PACRG: variants seen among roughly 807,000 people sequenced by gnomAD.
PACRG encodes parkin coregulated gene protein.
Under a neutral mutation model 29.7 loss-of-function variants are expected in PACRG, and 29 were observed. The observed-to-expected ratio is 0.98, with a 90% CI of 0.73 to 1.33. PACRG has a LOEUF of 1.33. Ranked by LOEUF, PACRG falls within the 40% of genes most tolerant of loss-of-function variation. The pLI is 0.00. For synonymous variants in PACRG, 116 were observed against 118.7 expected (o/e 0.98, Z 0.15); for missense variants, 279 against 316.2 (o/e 0.88, Z 0.89).
At chr6:163,093,487 T>C (rs773691263) in intron 4 of PACRG, among the ~76,000 whole-genome samples, 16 of 152,182 alleles carry the variant, frequency 1.1e-4, no homozygotes, top group Non-Finnish European at 1.2e-4. Context: ...GAGATGAAAC[T>C]ACCAAATTAA....
intron 4 of PACRG, among the ~76,000 whole-genome samples, chr6:163,209,483 T>C (rs79446255): frequency 0.024 from 3,731 of 152,322 alleles, 144 homozygotes; most frequent in African/African-American, 0.085. Context: ...AAAGTAGAGA[T>C]TGAATGATAC....
At chr6:163,166,132 G>A (rs1778794797) in intron 4 of PACRG, 2 of 456,054 alleles carry the variant, frequency 4.4e-6, no homozygotes, top group Admixed American at 4.7e-5. Context: ...GGGGTTTCTG[G>A]GCAGCGTCGC....
intron 4 of PACRG, among the ~76,000 whole-genome samples, chr6:163,292,347 A>C (rs1478669581): frequency 6.6e-6 from 1 of 152,204 alleles, no homozygotes; most frequent in Non-Finnish European, 1.5e-5. Context: ...ATGAAGCATA[A>C]GAAATTCAGA....
intron 4 of PACRG, among the ~76,000 whole-genome samples, chr6:163,093,022 G>T (rs1474444867): frequency 6.6e-6 from 1 of 152,024 alleles, no homozygotes; most frequent in African/African-American, 2.4e-5. Flanking sequence ...GGTTCATTTT[G>T]GCTCTAATTG....
chr6:162,967,104 T>TG (rs11417295), intron 2 of PACRG, among the ~76,000 whole-genome samples: 23,700 of 152,202 alleles, frequency 0.16, 3,239 homozygotes, highest in African/African-American at 0.36. Context: ...TGTTTTAAAC[T>TG]GATAATGCTC....
rs114199256 is a variant in PACRG at position 163,270,816 on chromosome 6, A to G, written c.614-44011A>G. ...CAAATAAAAATAAAACACCAATGAT[A>G]TGAGAGTGACGATTTCCCTACATCT... On this transcript the variant is annotated intron_variant, in intron 4 of 4. Coordinates refer to ENST00000366888, the MANE Select transcript of PACRG (RefSeq NM_001080379.2). 4.6e-3 allele frequency among the ~76,000 whole-genome samples: 705 copies of G among 152,308 alleles called. 6 individuals are homozygous for G. Among genetic ancestry groups the G allele is most frequent in the African/African-American group, 0.016 (677 of 41,578 alleles).
In PACRG at chr6:162,744,231, C is replaced by T. The variant is rs986106294; in HGVS notation, c.156+15840C>T. Among the ~76,000 whole-genome samples, 15 of 152,020 alleles carry T rather than the reference C, an allele frequency of 9.9e-5. 1 individual carries two copies. The highest frequency in any genetic ancestry group is 3.6e-4 in the African/African-American group (15 of 41,484). On this transcript the variant is annotated intron_variant, in intron 1 of 4. Transcript: ENST00000366888. ...AACTTGAAAAAAAGACTTTTTTTGT[C>T]TGTAGTTATTCTGGATCATTAAATG... is the stretch of plus-strand genomic sequence containing the variant.
chr6:162,930,329 A>G (rs1308363652), intron 2 of PACRG, among the ~76,000 whole-genome samples: 4 of 151,724 alleles, frequency 2.6e-5, no homozygotes, highest in Non-Finnish European at 5.9e-5. Flanking sequence ...ATTGATTCCT[A>G]GATATTTTAT....
At chr6:162,938,209 TTGC>T (rs1164960640) in intron 2 of PACRG, among the ~76,000 whole-genome samples, 1 of 152,240 alleles carries the variant, frequency 6.6e-6, no homozygotes, top group Admixed American at 6.5e-5. Flanking sequence ...CTCATCTAGG[TTGC>T]TGTGAATGCC....
At chr6:162,852,186 G>A (rs773188453) in intron 2 of PACRG, among the ~76,000 whole-genome samples, 3 of 152,168 alleles carry the variant, frequency 2.0e-5, no homozygotes, top group Non-Finnish European at 2.9e-5. Flanking sequence ...ATCCTTCTCC[G>A]TCTCAGAGGG....
upstream of PACRG, chr6:162,727,819 C>A (rs985799098): frequency 3.8e-6 from 3 of 791,954 alleles, no homozygotes; most frequent in African/African-American, 3.5e-5. Context: ...GCGCGGAGGG[C>A]GCGGCCCAGG....
chr6:162,894,459 G>A (rs1262247340), intron 2 of PACRG, among the ~76,000 whole-genome samples: 1 of 152,104 alleles, frequency 6.6e-6, no homozygotes, highest in Non-Finnish European at 1.5e-5. Context: ...ATTATATGGG[G>A]CCAAAAATAA....
At chr6:162,796,847 A>G (rs1249041776) in intron 1 of PACRG, among the ~76,000 whole-genome samples, 1 of 152,216 alleles carries the variant, frequency 6.6e-6, no homozygotes, top group Non-Finnish European at 1.5e-5. Flanking sequence ...TTGTGTAGTT[A>G]TTTATGTGAA....
chr6:163,248,579 G>T (rs184078426), intron 4 of PACRG, among the ~76,000 whole-genome samples: 184 of 152,238 alleles, frequency 1.2e-3, no homozygotes, highest in African/African-American at 4.4e-3. Flanking sequence ...GTTTCTCTGG[G>T]TGATGTGCTG....
intron 4 of PACRG, among the ~76,000 whole-genome samples, chr6:163,097,487 T>A (rs563745751): frequency 1.5e-4 from 23 of 152,290 alleles, no homozygotes; most frequent in African/African-American, 5.5e-4. Flanking sequence ...TGTAAAATAT[T>A]TAAAGAGGCT....
At chr6:163,254,945 A>T (rs943686943) in intron 4 of PACRG, among the ~76,000 whole-genome samples, 1 of 152,134 alleles carries the variant, frequency 6.6e-6, no homozygotes, top group Non-Finnish European at 1.5e-5. Flanking sequence ...TTTTCTAATC[A>T]ACTATTTAAT....
chr6:162,922,159 G>A (rs1044766451), intron 2 of PACRG, among the ~76,000 whole-genome samples: 1 of 151,322 alleles, frequency 6.6e-6, no homozygotes, highest in African/African-American at 2.4e-5. Flanking sequence ...AGGAATTTCC[G>A]CCTTATCAGC....
chr6:163,267,571 A>G (rs929755466), intron 4 of PACRG, among the ~76,000 whole-genome samples: 4 of 152,252 alleles, frequency 2.6e-5, no homozygotes, highest in African/African-American at 9.6e-5. Context: ...AGTATCTACT[A>G]TAAGTCAAAT....
At chr6:162,791,473 A>T (rs1266248988) in intron 1 of PACRG, among the ~76,000 whole-genome samples, 1 of 151,928 alleles carries the variant, frequency 6.6e-6, no homozygotes, top group African/African-American at 2.4e-5. Context: ...TTTTCTTGTT[A>T]TTTCAAACAA....
Sources: allele counts gnomAD v4.1 joint callset (sites outside exome capture counted in the v4.1 genomes callset), GRCh38; gene constraint gnomAD v4.1.1; transcripts MANE v1.5; gene names NCBI Gene and HGNC (gene_info 2026-07-23, HGNC 2026-07-21).